The following CSMD1 variants were observed in gnomAD, a reference collection of about 807,000 sequenced individuals.
The protein encoded by CSMD1 is CUB and sushi domain-containing protein 1.
In CSMD1, 213 loss-of-function variants were observed where a neutral mutation model predicts 417.5. That is an observed-to-expected ratio of 0.51 (90% CI 0.46 to 0.57). The LOEUF (loss-of-function observed/expected upper bound fraction) is 0.57, where lower values mean the gene tolerates loss of function less well. Among genes scored for constraint, CSMD1 ranks in the 20% least tolerant of loss-of-function variants. The pLI is 0.00. For synonymous variants in CSMD1, 2,862 were observed against 1,736.8 expected, an observed-to-expected ratio of 1.65 and a Z score of -16.11; for missense variants, 6,923 against 4,529.7, an observed-to-expected ratio of 1.53 and a Z score of -15.17.
intron 3 of CSMD1, among the ~76,000 whole-genome samples, chr8:4,245,538 G>C (rs1325757227): frequency 1.3e-5 from 2 of 152,118 alleles, no homozygotes; most frequent in South Asian, 2.1e-4. Context: ...CTCCATGCTG[G>C]GATGCTAAAC....
intron 3 of CSMD1, among the ~76,000 whole-genome samples, chr8:4,323,341 A>G (rs1043102496): frequency 3.3e-5 from 5 of 152,162 alleles, no homozygotes; most frequent in Non-Finnish European, 5.9e-5. Context: ...AAATTCATGA[A>G]AAGTGAGAAA....
intron 2 of CSMD1, among the ~76,000 whole-genome samples, chr8:4,487,453 C>T (rs1585154685): frequency 6.6e-6 from 1 of 152,098 alleles, no homozygotes; most frequent in Admixed American, 6.5e-5. Flanking sequence ...ACTGAGAATG[C>T]TGATTTCCAA....
Position 3,813,655 on chromosome 8 carries a change from A to C in CSMD1, c.819-59613T>G, listed in dbSNP as rs190878119. ...ATGAACATATTATGTTAATTATACA[A>C]AATTATTTAAGTGGCTTAAAAGCCC... On this transcript the variant is annotated intron_variant, in intron 5 of 69. Transcript: ENST00000635120. 4.6e-5 allele frequency among the ~76,000 whole-genome samples: 7 copies of C among 152,290 alleles called. No individual in the cohort carries two copies. In the East Asian group the frequency reaches 1.4e-3, roughly 29 times the overall value.
At chr8:3,687,759 C>T (rs1289665276) in intron 7 of CSMD1, among the ~76,000 whole-genome samples, 6 of 152,140 alleles carry the variant, frequency 3.9e-5, no homozygotes, top group South Asian at 2.1e-4. Flanking sequence ...CCTTGAGTAA[C>T]GGCCAAGTCT....
At chr8:3,380,986 G>C (rs779270383) in intron 18 of CSMD1, among the ~76,000 whole-genome samples, 2 of 151,984 alleles carry the variant, frequency 1.3e-5, no homozygotes, top group African/African-American at 4.8e-5. Context: ...TGAATGCACA[G>C]GTATGTGAGA....
intron 3 of CSMD1, among the ~76,000 whole-genome samples, chr8:4,076,154 G>A: frequency 6.6e-6 from 1 of 152,248 alleles, no homozygotes; most frequent in Middle Eastern, 3.4e-3. Flanking sequence ...TCATGCGTGT[G>A]GTTGCTCCAT....
At chr8:4,640,166 T>C (rs1409844452) in intron 1 of CSMD1, among the ~76,000 whole-genome samples, 2 of 152,374 alleles carry the variant, frequency 1.3e-5, no homozygotes, top group South Asian at 4.1e-4. Context: ...TTCAGGGTAC[T>C]AATGAGTACA....
chr8:3,608,518 C>T (rs1801730305), intron 8 of CSMD1, among the ~76,000 whole-genome samples: 1 of 151,952 alleles, frequency 6.6e-6, no homozygotes, highest in Non-Finnish European at 1.5e-5. Flanking sequence ...AATCCCAGCA[C>T]TTAGGGAGGC....
chr8:2,989,844 C>A (rs997010588), intron 54 of CSMD1, among the ~76,000 whole-genome samples: 1 of 152,188 alleles, frequency 6.6e-6, no homozygotes, highest in Admixed American at 6.5e-5. Flanking sequence ...ACAGATGCCA[C>A]GGCAGATTGG....
At chr8:3,721,668 T>C (rs1250623054) in intron 6 of CSMD1, among the ~76,000 whole-genome samples, 1 of 152,188 alleles carries the variant, frequency 6.6e-6, no homozygotes, top group Non-Finnish European at 1.5e-5. Context: ...CTCCTCATGG[T>C]TTTGGAAGAG....
intron 5 of CSMD1, among the ~76,000 whole-genome samples, chr8:3,822,558 C>T (rs1250407785): frequency 8.5e-5 from 13 of 152,090 alleles, no homozygotes; most frequent in Admixed American, 1.3e-4. Context: ...TCTTTGCTTC[C>T]GCCTCTATCA....
At chr8:3,280,075 G>A (rs1802612599) in intron 26 of CSMD1, among the ~76,000 whole-genome samples, 1 of 149,408 alleles carries the variant, frequency 6.7e-6, no homozygotes, top group South Asian at 2.1e-4. Context: ...GGCCCCCGGG[G>A]TACCTGAAGA....
intron 9 of CSMD1, among the ~76,000 whole-genome samples, chr8:3,580,842 T>C (rs1800352095): frequency 6.6e-6 from 1 of 152,150 alleles, no homozygotes; most frequent in Non-Finnish European, 1.5e-5. Context: ...CTTTAAAAGG[T>C]CATTTCTACA....
intron 2 of CSMD1, among the ~76,000 whole-genome samples, chr8:4,461,997 T>C (rs1254937461): frequency 6.6e-6 from 1 of 152,006 alleles, no homozygotes; most frequent in Non-Finnish European, 1.5e-5. Context: ...CACCTCGGCC[T>C]CCCAAATTGC....
At chr8:3,781,338 A>T (rs2720750) in intron 5 of CSMD1, among the ~76,000 whole-genome samples, 1 of 152,142 alleles carries the variant, frequency 6.6e-6, no homozygotes, top group Non-Finnish European at 1.5e-5. Flanking sequence ...TTCTTTACTC[A>T]TTGAACACGG....
intron 52 of CSMD1, among the ~76,000 whole-genome samples, chr8:3,016,818 A>G (rs927117270): frequency 6.6e-6 from 1 of 152,180 alleles, no homozygotes; most frequent in Non-Finnish European, 1.5e-5. Flanking sequence ...AAAAGCTGCT[A>G]AGATGTATTG....
At chr8:4,740,787 T>C (rs1037569382) in intron 1 of CSMD1, among the ~76,000 whole-genome samples, 6 of 152,158 alleles carry the variant, frequency 3.9e-5, no homozygotes, top group African/African-American at 1.4e-4. Flanking sequence ...TTAGGTATAT[T>C]TTCAAAGCAC....
chr8:4,454,336 C>T (rs924926355), intron 2 of CSMD1, among the ~76,000 whole-genome samples: 2 of 152,178 alleles, frequency 1.3e-5, no homozygotes, highest in African/African-American at 2.4e-5. Flanking sequence ...AGTAGACATG[C>T]AGCTTCATCT....
intron 1 of CSMD1, among the ~76,000 whole-genome samples, chr8:4,816,296 TG>T (rs1353698299): frequency 2.0e-5 from 3 of 152,060 alleles, no homozygotes; most frequent in Non-Finnish European, 4.4e-5. Context: ...GGGATTCTCC[TG>T]CCTCAGCCTG....
Sources: gnomAD v4.1 joint callset for allele counts (sites outside exome capture counted in the v4.1 genomes callset) on GRCh38, gnomAD v4.1.1 for gene constraint, MANE v1.5 for transcripts, NCBI Gene and HGNC (gene_info 2026-07-23, HGNC 2026-07-21) for gene names.